EFCAB6: variants seen among roughly 807,000 people sequenced by gnomAD.
EFCAB6 encodes the protein EF-hand calcium-binding domain-containing protein 6.
In EFCAB6, 156 loss-of-function variants were observed where a neutral mutation model predicts 169.8. The ratio of observed to expected loss-of-function variants is 0.92; its 90% CI spans 0.81 to 1.05. The LOEUF is 1.05. EFCAB6 is among the 50% of genes least tolerant of loss of function. The pLI is 0.00. For synonymous variants in EFCAB6, 698 were observed against 676.4 expected (o/e 1.03, Z -0.50); for missense variants, 1,800 against 1,829.1 (o/e 0.98, Z 0.29).
At chr22:43,709,041 C>T (rs1333853138) in intron 10 of EFCAB6, among the ~76,000 whole-genome samples, 1 of 152,108 alleles carries the variant, frequency 6.6e-6, no homozygotes, top group Non-Finnish European at 1.5e-5. Context: ...TCATAGATAT[C>T]ATCACTCTGG....
chr22:43,593,455 G>C (rs2051725182), intron 23 of EFCAB6, among the ~76,000 whole-genome samples: 1 of 152,330 alleles, frequency 6.6e-6, no homozygotes, highest in Non-Finnish European at 1.5e-5. Context: ...GACGAGAAGA[G>C]AAGACACGAG....
At position 43,567,102 on chromosome 22, in the gene EFCAB6, GGTCATCCTCCTCCTC is replaced by G. The variant is rs2049491194; in HGVS notation, c.3420+9180_3420+9194del. On this transcript the variant is annotated intron_variant, in intron 26 of 31. Transcript: ENST00000262726. Reference sequence around the variant, plus strand: ...CCCATCCTTCCCCCACTCAGAGTTAGGTCATCCTCCTCCTCATCATCCTCCTCGTCCTCCTCATCA... The same window carrying G: ...CCCATCCTTCCCCCACTCAGAGTTAGATCATCCTCCTCGTCCTCCTCATCA... Among the ~76,000 whole-genome samples the G allele has an allele frequency of 2.0e-5, 3 of 151,894 alleles. 1 individual carries two copies. Among genetic ancestry groups the G allele is most frequent in the Admixed American group, 6.6e-5 (1 of 15,236 alleles).
At chr22:43,703,243 C>T (rs1368348875) in intron 10 of EFCAB6, among the ~76,000 whole-genome samples, 1 of 152,228 alleles carries the variant, frequency 6.6e-6, no homozygotes, top group Non-Finnish European at 1.5e-5. Flanking sequence ...CCCACCTGAA[C>T]TCAGAGCCAA....
chr22:43,529,543 G>A (rs1006747561), intron 31 of EFCAB6, among the ~76,000 whole-genome samples: 34 of 152,212 alleles, frequency 2.2e-4, no homozygotes, highest in African/African-American at 2.4e-5. Flanking sequence ...TTGCAGCTAG[G>A]TATGTTCTGG....
At position 43,537,511 on chromosome 22, in the gene EFCAB6, G is replaced by A. The variant is rs749412133; in HGVS notation, c.3914C>T (p.Pro1305Leu). The stretch of plus-strand genomic sequence containing the variant: ...TATGGGATCACAGTTCTGCAAGGGT[G>A]GAGTGCCCGGGATCACGGTGGTGCT... ...PASTTVIPGT[P>L]PLQNCDPIES... The change falls in exon 29 of 32, where the codon CCA becomes CTA. Residue 1305 changes from proline to leucine, a missense_variant. Pro to Leu is a moderately conservative substitution (Grantham distance 98). Transcript: ENST00000262726. This position sits in a 1 kb window ranked among gnomAD's most constrained non-coding sequence, Gnocchi z 4.3. 32 of 1,613,952 alleles carry A rather than the reference G, an allele frequency of 2.0e-5. 1 individual carries two copies. The African/African-American group carries it at 3.3e-4, about 17-fold the overall frequency.
At chr22:43,632,334 T>C (rs954621316) in intron 18 of EFCAB6, 96 bp from the exon 19 acceptor site, 10 of 1,468,634 alleles carry the variant, frequency 6.8e-6, no homozygotes, top group Middle Eastern at 2.6e-4. Context: ...AGTCTCGCTC[T>C]TGTTGCCCAG....
chr22:43,784,511 A>ATATGTGTGTGTG (rs1382847722), intron 2 of EFCAB6, among the ~76,000 whole-genome samples: 2 of 91,392 alleles, frequency 2.2e-5, no homozygotes, highest in South Asian at 7.9e-4. Context: ...AAATATATAT[A>ATATGTGTGTGTG]TGTGTGTGTG....
intron 10 of EFCAB6, among the ~76,000 whole-genome samples, chr22:43,698,983 C>G (rs142954228): frequency 1.3e-5 from 2 of 152,306 alleles, no homozygotes; most frequent in East Asian, 3.9e-4. Flanking sequence ...AGAGGCATAA[C>G]AGGATTGACA....
intron 4 of EFCAB6, among the ~76,000 whole-genome samples, chr22:43,768,790 G>C (rs1485688791): frequency 1.3e-5 from 2 of 152,088 alleles, no homozygotes; most frequent in African/African-American, 4.8e-5. Flanking sequence ...TAACTGATTA[G>C]CTTGGGAAGA....
At chr22:43,673,822 C>T (rs760642236) in intron 13 of EFCAB6, among the ~76,000 whole-genome samples, 10 of 151,872 alleles carry the variant, frequency 6.6e-5, no homozygotes, top group Admixed American at 1.3e-4. Context: ...CTTTTATTGA[C>T]GTTAAGTGTT....
intron 15 of EFCAB6, among the ~76,000 whole-genome samples, chr22:43,670,883 A>G (rs1299335159): frequency 6.6e-6 from 1 of 152,240 alleles, no homozygotes; most frequent in African/African-American, 2.4e-5. Flanking sequence ...CAGCAGCAGC[A>G]GCGGCAGCAA....
At chr22:43,732,286 G>A (rs897869364) in intron 7 of EFCAB6, among the ~76,000 whole-genome samples, 2 of 152,070 alleles carry the variant, frequency 1.3e-5, no homozygotes, top group Admixed American at 6.5e-5. Flanking sequence ...AGATGATCTC[G>A]ACTGAGCATA....
chr22:43,667,081 CAA>C, intron 17 of EFCAB6, 21 bp downstream of exon 17: 3 of 1,605,336 alleles, frequency 1.9e-6, no homozygotes, highest in Non-Finnish European at 2.6e-6. Context: ...AGGATAGAAA[CAA>C]AGAGAAACCC....
Position 43,763,295 on chromosome 22 carries a change from TC to T in EFCAB6, c.440+2009del, listed in dbSNP as rs1317181394. ...CTCAGGTGATCTGCCCACTTCGGCCTCCCAAAGTGCTGGGATTACAGGCACG... is the reference window on the plus strand; with the variant it reads ...CTCAGGTGATCTGCCCACTTCGGCCTCCAAAGTGCTGGGATTACAGGCACG... On this transcript the variant is annotated intron_variant, in intron 5 of 31. Coordinates refer to ENST00000262726, the MANE Select transcript of EFCAB6 (RefSeq NM_022785.4). Among the ~76,000 whole-genome samples, 12 of 152,272 alleles carry T rather than the reference TC, an allele frequency of 7.9e-5. No homozygotes were observed. The East Asian group carries it at 2.3e-3, about 29-fold the overall frequency.
chr22:43,622,668 C>A (rs2054190469), intron 20 of EFCAB6, among the ~76,000 whole-genome samples: 1 of 152,170 alleles, frequency 6.6e-6, no homozygotes, highest in African/African-American at 2.4e-5. Context: ...TTTAATCTTA[C>A]TATATCTAAC....
At chr22:43,774,523 G>A (rs895818651) in intron 3 of EFCAB6, among the ~76,000 whole-genome samples, 1 of 151,626 alleles carries the variant, frequency 6.6e-6, no homozygotes. Context: ...CAGGGCCTGT[G>A]CCGGGGGCTG....
In EFCAB6 at chr22:43,534,808, G is replaced by T. The variant is rs762346657; in HGVS notation, c.4113C>A (p.Tyr1371Ter). The change falls in exon 30 of 32, where the codon TAC becomes TAA. Residue 1371 changes from tyrosine (Y) to a stop codon, truncating the protein, a stop_gained. Coordinates refer to ENST00000262726, the MANE Select transcript of EFCAB6 (RefSeq NM_022785.4). LOFTEE classifies it high-confidence loss of function. ...KEECQQLIIK[Y>*]DLKSNGKFAY... ...CAAATTTCCCGTTGCTCTTTAAGTC[G>T]TATTTTATAATGAGCTGCTGACACT... 1.4e-5 allele frequency: 22 copies of T among 1,613,862 alleles called. No individual in the cohort carries two copies. The highest frequency in any genetic ancestry group is 1.8e-5 in the Non-Finnish European group (21 of 1,179,932).
At chr22:43,608,717 C>T (rs2053096961) in intron 21 of EFCAB6, 117 bp from the exon 22 acceptor site, 1 of 863,646 alleles carries the variant, frequency 1.2e-6, no homozygotes, top group South Asian at 1.6e-5. Context: ...CCATCCACCT[C>T]CTTAATCACC....
At chr22:43,683,089 T>G (rs543151159) in intron 12 of EFCAB6, among the ~76,000 whole-genome samples, 1 of 152,306 alleles carries the variant, frequency 6.6e-6, no homozygotes, top group South Asian at 2.1e-4. Context: ...TGAAATCATC[T>G]GTACACAGTC....
Sources: gnomAD v4.1 joint callset for allele counts (sites outside exome capture counted in the v4.1 genomes callset) on GRCh38, gnomAD v4.1.1 for gene constraint, Gnocchi (gnomAD v3.1) non-coding constraint, MANE v1.5 for transcripts, NCBI Gene and HGNC (gene_info 2026-07-23, HGNC 2026-07-21) for gene names.